The following UNC79 variants were observed in gnomAD, a reference collection of about 807,000 sequenced individuals.
UNC79 encodes the protein protein unc-79 homolog.
UNC79 carries 37 observed loss-of-function variants against 283.1 expected under a neutral mutation model. The observed-to-expected ratio is 0.13, with a 90% CI of 0.10 to 0.17. The LOEUF is 0.17. UNC79 is among the 10% of genes least tolerant of loss of function. UNC79 has a pLI of 1.00. For missense variants in UNC79, 2,272 were observed against 3,211.1 expected (o/e 0.71, Z 7.07); for synonymous variants, 1,107 against 1,200.2 (o/e 0.92, Z 1.61).
chr14:93,347,971 A>G, intron 1 of UNC79: 1 of 1,037,620 alleles, frequency 9.6e-7, no homozygotes, highest in Non-Finnish European at 1.5e-6. Context: ...TTTGTTAGGC[A>G]GCAAGTCACT....
intron 1 of UNC79, among the ~76,000 whole-genome samples, chr14:93,450,547 G>A (rs2056604988): frequency 6.6e-6 from 1 of 152,126 alleles, no homozygotes; most frequent in African/African-American, 2.4e-5. Flanking sequence ...TTTGTAGTTT[G>A]TCTGAATGTA....
At chr14:93,424,221 C>T (rs1193402784) in intron 1 of UNC79, among the ~76,000 whole-genome samples, 1 of 151,942 alleles carries the variant, frequency 6.6e-6, no homozygotes, top group Non-Finnish European at 1.5e-5. Flanking sequence ...AAAACAAATG[C>T]TGGAGAGGAT....
At chr14:93,497,783 G>C (rs1206011266) in intron 7 of UNC79, among the ~76,000 whole-genome samples, 1 of 151,774 alleles carries the variant, frequency 6.6e-6, no homozygotes, top group Non-Finnish European at 1.5e-5. Flanking sequence ...GTCAGGAGAT[G>C]TAGACCATCC....
intron 1 of UNC79, among the ~76,000 whole-genome samples, chr14:93,414,458 C>G (rs1195893848): frequency 1.3e-5 from 2 of 152,134 alleles, no homozygotes; most frequent in East Asian, 3.8e-4. Flanking sequence ...AGTCAGGTAG[C>G]ATGATGCCTC....
intron 1 of UNC79, among the ~76,000 whole-genome samples, chr14:93,397,692 A>G (rs115292202): frequency 6.6e-6 from 1 of 152,018 alleles, no homozygotes; most frequent in Non-Finnish European, 1.5e-5. Flanking sequence ...AAAAGGAAAA[A>G]CAGATCCTTG....
intron 41 of UNC79, among the ~76,000 whole-genome samples, chr14:93,678,199 T>C (rs547359923): frequency 6.6e-6 from 1 of 152,200 alleles, no homozygotes; most frequent in South Asian, 2.1e-4. Flanking sequence ...TGACTTTCTT[T>C]ATGTATATCA....
intron 1 of UNC79, among the ~76,000 whole-genome samples, chr14:93,462,110 C>T (rs896005839): frequency 1.3e-5 from 2 of 152,164 alleles, no homozygotes; most frequent in Admixed American, 6.5e-5. Context: ...AGTTCGAGAA[C>T]AGCCTGGCCA....
At chr14:93,682,397 TAAC>T (rs2073918273) in intron 41 of UNC79, among the ~76,000 whole-genome samples, 1 of 152,194 alleles carries the variant, frequency 6.6e-6, no homozygotes. Flanking sequence ...CAGTGCCACT[TAAC>T]AGTCTGGGTA....
chr14:93,472,903 A>C (rs2140313199), intron 2 of UNC79, among the ~76,000 whole-genome samples: 1 of 152,280 alleles, frequency 6.6e-6, no homozygotes, highest in South Asian at 2.1e-4. Flanking sequence ...GTGCGCAGAT[A>C]TTATCATTCT....
chr14:93,421,183 T>G (rs1050748313), intron 1 of UNC79, among the ~76,000 whole-genome samples: 1 of 150,986 alleles, frequency 6.6e-6, no homozygotes, highest in Non-Finnish European at 1.5e-5. Context: ...TTTGAAAAGA[T>G]AAACAAAATT....
chr14:93,382,532 G>A lies in UNC79; in HGVS notation c.-351+49009G>A, dbSNP rs1336222182. On this transcript the variant is annotated intron_variant, in intron 1 of 49. Transcript: ENST00000256339. ...CCTACAAAATAGGGCTTAATAAATT[G>A]CATGCCAATCGTTAATAGTTTGCAT... Among the ~76,000 whole-genome samples, 4 of 152,000 alleles carry A rather than the reference G, an allele frequency of 2.6e-5. No homozygotes were observed. In the East Asian group the frequency reaches 7.7e-4, roughly 29 times the overall value.
intron 35 of UNC79, among the ~76,000 whole-genome samples, chr14:93,648,228 A>G (rs1176629862): frequency 2.0e-5 from 3 of 152,256 alleles, no homozygotes; most frequent in Non-Finnish European, 2.9e-5. Flanking sequence ...TGTATTGTAC[A>G]TGAACACTTG....
chr14:93,362,133 A>G (rs754224675), intron 1 of UNC79, among the ~76,000 whole-genome samples: 3 of 152,200 alleles, frequency 2.0e-5, no homozygotes, highest in Non-Finnish European at 2.9e-5. Context: ...CATCAGGCAT[A>G]TCTGCCTGGA....
chr14:93,496,271 A>G (rs544631729), intron 5 of UNC79, 140 bp from the exon 6 acceptor site: 10 of 533,982 alleles, frequency 1.9e-5, no homozygotes, highest in Non-Finnish European at 2.9e-5. Flanking sequence ...TTAAGTATGA[A>G]TATATGGAGA....
chr14:93,588,059 G>A (rs1377391168), intron 22 of UNC79, among the ~76,000 whole-genome samples: 6 of 152,104 alleles, frequency 3.9e-5, no homozygotes, highest in East Asian at 3.8e-4. Context: ...CATACTTGGG[G>A]GATACTGAAG....
intron 30 of UNC79, among the ~76,000 whole-genome samples, chr14:93,626,831 G>A (rs1319299627): frequency 1.3e-5 from 2 of 152,162 alleles, no homozygotes; most frequent in East Asian, 1.9e-4. Flanking sequence ...CGTTAGTATA[G>A]AGTTTGGAAG....
chr14:93,364,709 T>G (rs1020720502), intron 1 of UNC79, among the ~76,000 whole-genome samples: 2 of 151,564 alleles, frequency 1.3e-5, no homozygotes, highest in Non-Finnish European at 1.5e-5. Flanking sequence ...TGAGATATAA[T>G]TTACATATCA....
At chr14:93,603,533 A>G (rs761367392) in intron 26 of UNC79, 115 bp downstream of exon 26, 25 of 1,293,084 alleles carry the variant, frequency 1.9e-5, no homozygotes, top group Non-Finnish European at 2.4e-5. Flanking sequence ...GAGTTTGTTC[A>G]ATAAGTTTGG....
At chr14:93,419,254 C>T (rs145746140) in intron 1 of UNC79, among the ~76,000 whole-genome samples, 4 of 151,308 alleles carry the variant, frequency 2.6e-5, no homozygotes, top group Non-Finnish European at 5.9e-5. Flanking sequence ...CTGCAACCTC[C>T]ACTTCCCAGG....
Sources: allele counts gnomAD v4.1 joint callset (sites outside exome capture counted in the v4.1 genomes callset), GRCh38; gene constraint gnomAD v4.1.1; transcripts MANE v1.5; gene names NCBI Gene and HGNC (gene_info 2026-07-23, HGNC 2026-07-21).